The following PLCL1 variants were observed in gnomAD, a reference collection of about 807,000 sequenced individuals.
PLCL1 encodes the protein phospholipase C like 1 (inactive).
Under a neutral mutation model 84.4 loss-of-function variants are expected in PLCL1, and 41 were observed. That is an observed-to-expected ratio of 0.49 (90% CI 0.38 to 0.63). The LOEUF (loss-of-function observed/expected upper bound fraction) is 0.63. Among genes scored for constraint, PLCL1 ranks in the 30% least tolerant of loss-of-function variants. The pLI is 0.00. For synonymous variants in PLCL1, 490 were observed against 488.3 expected (o/e 1.00, Z -0.05); for missense variants, 1,206 against 1,367.8 (o/e 0.88, Z 1.87).
chr2:197,982,179 C>T (rs183472798), intron 1 of PLCL1, among the ~76,000 whole-genome samples: 35 of 150,066 alleles, frequency 2.3e-4, no homozygotes, highest in Admixed American at 4.6e-4. Context: ...TTAAAAGAGA[C>T]GAATTTTAAT....
In PLCL1 at chr2:198,027,312, T is replaced by C. The variant is rs190293156; in HGVS notation, c.241-56446T>C. ...TATGCAGAATCTGAAAAAAGTCTCA[T>C]GGAAGCAAAGACTAGAATGGTGGTG... On this transcript the variant is annotated intron_variant, in intron 1 of 5. Transcript: ENST00000428675. 6.1e-4 allele frequency among the ~76,000 whole-genome samples: 93 copies of C among 152,178 alleles called. 3 individuals carry two copies. In the South Asian group the frequency reaches 0.013, roughly 22 times the overall value.
At chr2:197,933,993 C>A (rs1341336090) in intron 1 of PLCL1, among the ~76,000 whole-genome samples, 1 of 152,070 alleles carries the variant, frequency 6.6e-6, no homozygotes, top group Non-Finnish European at 1.5e-5. Context: ...GAATTGCTCC[C>A]GGAAATCTGT....
chr2:198,079,141 G>T (rs1377775602), intron 1 of PLCL1, among the ~76,000 whole-genome samples: 2 of 151,730 alleles, frequency 1.3e-5, no homozygotes, highest in East Asian at 3.9e-4. Flanking sequence ...TTTTGATTAA[G>T]GAGCTTGCAT....
chr2:197,947,457 C>T (rs60484833), intron 1 of PLCL1, among the ~76,000 whole-genome samples: 27,292 of 151,770 alleles, frequency 0.18, 2,532 homozygotes, highest in East Asian at 0.26. Flanking sequence ...TTGAGAACCA[C>T]TGGAGCTGGG....
chr2:198,039,985 A>G (rs1691622963), intron 1 of PLCL1, among the ~76,000 whole-genome samples: 1 of 152,214 alleles, frequency 6.6e-6, no homozygotes, highest in Admixed American at 6.5e-5. Flanking sequence ...TGGGAGTGAC[A>G]TTGAGATTGG....
chr2:197,920,005 A>C (rs1199963069), intron 1 of PLCL1, among the ~76,000 whole-genome samples: 1 of 152,190 alleles, frequency 6.6e-6, no homozygotes, highest in Non-Finnish European at 1.5e-5. Context: ...AAATGAGGGT[A>C]ATAATAATGC....
intron 1 of PLCL1, among the ~76,000 whole-genome samples, chr2:198,079,132 T>G (rs1574294866): frequency 6.6e-6 from 1 of 152,014 alleles, no homozygotes; most frequent in Non-Finnish European, 1.5e-5. Context: ...TTTTTTTAAT[T>G]TTGATTAAGG....
At chr2:197,984,377 A>G (rs1690176788) in intron 1 of PLCL1, among the ~76,000 whole-genome samples, 2 of 152,066 alleles carry the variant, frequency 1.3e-5, no homozygotes, top group Non-Finnish European at 2.9e-5. Flanking sequence ...ATAGATGGTA[A>G]TGTTGATATG....
intron 1 of PLCL1, among the ~76,000 whole-genome samples, chr2:198,033,795 C>G (rs1049023705): frequency 5.9e-5 from 9 of 152,046 alleles, no homozygotes; most frequent in Non-Finnish European, 1.2e-4. Context: ...GTCTCTACCC[C>G]CTCAAGCTGG....
intron 1 of PLCL1, among the ~76,000 whole-genome samples, chr2:197,813,286 T>C (rs1690625788): frequency 6.6e-6 from 1 of 152,154 alleles, no homozygotes; most frequent in African/African-American, 2.4e-5. Flanking sequence ...TTCCTCCCCA[T>C]ATAACATACC....
At chr2:197,807,536 C>A (rs1012671368) in intron 1 of PLCL1, among the ~76,000 whole-genome samples, 2 of 152,148 alleles carry the variant, frequency 1.3e-5, no homozygotes, top group African/African-American at 2.4e-5. Context: ...AGATCAAGAA[C>A]CTTTCTGGTG....
At chr2:198,088,183 T>C (rs1692933310) in intron 2 of PLCL1, among the ~76,000 whole-genome samples, 1 of 152,178 alleles carries the variant, frequency 6.6e-6, no homozygotes, top group African/African-American at 2.4e-5. Flanking sequence ...CCAGGTAGCG[T>C]TGATAGTTCA....
chr2:197,826,752 G>A (rs890928698), intron 1 of PLCL1, among the ~76,000 whole-genome samples: 1 of 152,128 alleles, frequency 6.6e-6, no homozygotes. Context: ...TAGAATATAG[G>A]TGCTGTAACA....
Position 197,843,918 on chromosome 2 carries a change from C to A in PLCL1, c.240+38579C>A, listed in dbSNP as rs148502480. Among the ~76,000 whole-genome samples, 347 of 152,158 alleles carry A rather than the reference C, an allele frequency of 2.3e-3. 1 individual carries two copies. Among genetic ancestry groups the A allele is most frequent in the African/African-American group, 8.1e-3 (338 of 41,520 alleles). Reference sequence around the variant, plus strand: ...TCAGGTTTTTCATCTTTTTACCAGGCAGTGCGGCACCATATTTAATAATTA... The same window carrying A: ...TCAGGTTTTTCATCTTTTTACCAGGAAGTGCGGCACCATATTTAATAATTA... On this transcript the variant is annotated intron_variant, in intron 1 of 5. Transcript: ENST00000428675.
chr2:197,821,452 T>G (rs1370094896), intron 1 of PLCL1, among the ~76,000 whole-genome samples: 1 of 152,172 alleles, frequency 6.6e-6, no homozygotes, highest in Non-Finnish European at 1.5e-5. Flanking sequence ...TAAGCAACAC[T>G]AAGCAGGTTA....
intron 1 of PLCL1, among the ~76,000 whole-genome samples, chr2:198,063,725 C>G (rs1241018649): frequency 6.6e-6 from 1 of 152,162 alleles, no homozygotes; most frequent in Non-Finnish European, 1.5e-5. Flanking sequence ...ACATAGCCAT[C>G]ATATTTAGGG....
intron 1 of PLCL1, among the ~76,000 whole-genome samples, chr2:198,006,924 G>A (rs1038285981): frequency 3.9e-5 from 6 of 152,168 alleles, no homozygotes; most frequent in Non-Finnish European, 5.9e-5. Flanking sequence ...CTTTAGGTGA[G>A]CGATAGTCAC....
intron 1 of PLCL1, among the ~76,000 whole-genome samples, chr2:197,868,671 AT>A (rs1003518323): frequency 2.8e-3 from 387 of 138,438 alleles, no homozygotes; most frequent in East Asian, 4.0e-3. Flanking sequence ...GGCTAATTGA[AT>A]TTTTTTTTTT....
At chr2:197,987,790 T>C (rs1402372225) in intron 1 of PLCL1, among the ~76,000 whole-genome samples, 1 of 152,238 alleles carries the variant, frequency 6.6e-6, no homozygotes, top group East Asian at 1.9e-4. Flanking sequence ...ATATATTTTA[T>C]ATTTATGCCA....
Sources: gnomAD v4.1 joint callset for allele counts (sites outside exome capture counted in the v4.1 genomes callset) on GRCh38, gnomAD v4.1.1 for gene constraint, MANE v1.5 for transcripts, NCBI Gene and HGNC (gene_info 2026-07-23, HGNC 2026-07-21) for gene names.